SPAG17: variants seen among roughly 807,000 people sequenced by gnomAD.
The protein encoded by SPAG17 is sperm-associated antigen 17.
Under a neutral mutation model 273.6 loss-of-function variants are expected in SPAG17, and 169 were observed. The observed-to-expected ratio is 0.62, with a 90% CI of 0.55 to 0.70. The LOEUF is 0.70. SPAG17 is among the 30% of genes least tolerant of loss of function. The probability of loss-of-function intolerance (pLI) is 0.00; values close to 1 mark genes in which losing one functional copy is unlikely to be tolerated. For synonymous variants in SPAG17, 825 were observed against 873.2 expected (o/e 0.94, Z 0.97); for missense variants, 2,557 against 2,627.8 (o/e 0.97, Z 0.59).
At chr1:118,041,284 C>G (rs1649720784) in intron 21 of SPAG17, among the ~76,000 whole-genome samples, 1 of 152,014 alleles carries the variant, frequency 6.6e-6, no homozygotes, top group African/African-American at 2.4e-5. Flanking sequence ...AACTTGAGAA[C>G]AACTGTTTTA....
intron 1 of SPAG17, 95 bp downstream of exon 1, chr1:118,184,976 A>C (rs1661118736): frequency 9.7e-7 from 1 of 1,033,544 alleles, no homozygotes; most frequent in Non-Finnish European, 1.5e-6. Context: ...AGAGATACGG[A>C]AGAGAGGGCG....
chr1:117,989,742 A>AT (rs1338179209), intron 38 of SPAG17, among the ~76,000 whole-genome samples: 7 of 150,908 alleles, frequency 4.6e-5, no homozygotes, highest in African/African-American at 7.3e-5. Flanking sequence ...CACCTGACTA[A>AT]TTTTTTTTTG....
intron 5 of SPAG17, among the ~76,000 whole-genome samples, chr1:118,100,366 T>C (rs548850891): frequency 6.6e-6 from 1 of 152,336 alleles, no homozygotes; most frequent in African/African-American, 2.4e-5. Context: ...CTTACTTTCC[T>C]AACATTTTTC....
At chr1:117,998,462 G>A (rs1268665868) in intron 32 of SPAG17, among the ~76,000 whole-genome samples, 1 of 152,104 alleles carries the variant, frequency 6.6e-6, no homozygotes, top group Non-Finnish European at 1.5e-5. Flanking sequence ...TTGCAGCCCT[G>A]TAGTACAGCT....
chr1:118,047,677 CAGACT>C (rs1650522253), intron 20 of SPAG17, among the ~76,000 whole-genome samples: 1 of 152,160 alleles, frequency 6.6e-6, no homozygotes, highest in Non-Finnish European at 1.5e-5. Flanking sequence ...TCTCCAGCTC[CAGACT>C]GGCCACTGCT....
intron 3 of SPAG17, among the ~76,000 whole-genome samples, chr1:118,124,423 T>A (rs1362072824): frequency 2.0e-5 from 3 of 152,218 alleles, no homozygotes; most frequent in Non-Finnish European, 4.4e-5. Flanking sequence ...TCCTTTCAGA[T>A]TCATCTTTTG....
chr1:118,170,614 A>G (rs1472979853), intron 1 of SPAG17, among the ~76,000 whole-genome samples: 2 of 152,232 alleles, frequency 1.3e-5, no homozygotes, highest in African/African-American at 2.4e-5. Context: ...ATCATTTAAT[A>G]TTCACAGCAA....
At chr1:117,966,581 AT>A in intron 47 of SPAG17, 27 bp downstream of exon 47, 7 of 1,581,052 alleles carry the variant, frequency 4.4e-6, no homozygotes, top group Non-Finnish European at 6.0e-6. Flanking sequence ...ACTATATATG[AT>A]TACTCAAGTT....
chr1:118,151,485 GGTGACCTTGTAATGTAT>G (rs1659380534), intron 1 of SPAG17, 116 bp from the exon 2 acceptor site: 2 of 1,043,710 alleles, frequency 1.9e-6, no homozygotes, highest in Admixed American at 5.4e-5. Context: ...GAAAGACAGA[GGTGACCTTGTAATGTAT>G]GTGGTTTTCT....
intron 24 of SPAG17, among the ~76,000 whole-genome samples, chr1:118,033,335 C>T (rs1557934799): frequency 6.6e-6 from 1 of 152,164 alleles, no homozygotes; most frequent in South Asian, 2.1e-4. Flanking sequence ...TCAGTTAATG[C>T]CATGAGCAAT....
intron 3 of SPAG17, among the ~76,000 whole-genome samples, chr1:118,147,660 A>C (rs1659096368): frequency 2.0e-5 from 3 of 152,226 alleles, no homozygotes; most frequent in Admixed American, 1.3e-4. Flanking sequence ...TCATATATAC[A>C]ATGCCATGGC....
At position 118,042,082 on chromosome 1, in the gene SPAG17, G is replaced by T. The variant is rs182091325; in HGVS notation, c.2815-40C>A. Reference sequence around the variant, plus strand: ...AAGAAATTTAACAGGATTTTTAAACGAATTAAACATAGGTTCCATTCAGGT... The same window carrying T: ...AAGAAATTTAACAGGATTTTTAAACTAATTAAACATAGGTTCCATTCAGGT... On this transcript the variant is annotated intron_variant, in intron 20 of 48. Transcript: ENST00000336338. 5.7e-6 allele frequency: 9 copies of T among 1,585,882 alleles called. No individual in the cohort carries two copies. In the South Asian group the frequency reaches 9.4e-5, roughly 17 times the overall value.
intron 4 of SPAG17, 41 bp from the exon 5 acceptor site, chr1:118,101,967 A>G: frequency 6.5e-7 from 1 of 1,537,598 alleles, no homozygotes; most frequent in Non-Finnish European, 8.9e-7. Flanking sequence ...TCAAACAGTG[A>G]GCAAGCAATG....
chr1:118,005,611 G>A lies in SPAG17; in HGVS notation c.4588-9C>T, dbSNP rs1167897961. On this transcript the variant is annotated splice_polypyrimidine_tract_variant and intron_variant, in intron 31 of 48. Transcript: ENST00000336338. Reference sequence around the variant, plus strand: ...GTGTTTGGAGGTAACACCTGAAAGAGTAACAGAAAGACAGAAATTATTAAA... The same window carrying A: ...GTGTTTGGAGGTAACACCTGAAAGAATAACAGAAAGACAGAAATTATTAAA... 7.0e-7 allele frequency: 1 copy of A among 1,427,662 alleles called. No homozygotes were observed. The highest frequency in any genetic ancestry group is 9.2e-7 in the Non-Finnish European group (1 of 1,085,082). 88.4% of individuals were successfully genotyped at this position (1,427,662 alleles called of 1,614,324 possible).
At chr1:117,999,310 A>G (rs1390511597) in intron 32 of SPAG17, among the ~76,000 whole-genome samples, 1 of 152,182 alleles carries the variant, frequency 6.6e-6, no homozygotes, top group African/African-American at 2.4e-5. Context: ...GTATCTTTAT[A>G]GTAGCATGAT....
intron 3 of SPAG17, among the ~76,000 whole-genome samples, chr1:118,137,563 G>A (rs901514317): frequency 5.3e-5 from 8 of 152,190 alleles, no homozygotes; most frequent in Admixed American, 2.0e-4. Context: ...CAGTTTTTCT[G>A]AGTAAGAGTT....
chr1:117,976,796 T>C (rs1655190220), intron 43 of SPAG17, among the ~76,000 whole-genome samples: 1 of 152,200 alleles, frequency 6.6e-6, no homozygotes, highest in Admixed American at 6.5e-5. Context: ...CTGGTTGTTT[T>C]AAGCCACTAC....
chr1:118,100,812 A>C (rs1169324866), intron 5 of SPAG17, among the ~76,000 whole-genome samples: 2 of 152,180 alleles, frequency 1.3e-5, no homozygotes, highest in South Asian at 2.1e-4. Flanking sequence ...AGGATGAATC[A>C]TTTTTATATT....
At position 117,970,041 on chromosome 1, in the gene SPAG17, A is replaced by G. The variant is rs775968509; in HGVS notation, c.6387+15T>C. 3 of 1,612,320 alleles carry G rather than the reference A, an allele frequency of 1.9e-6. No homozygotes were observed. Among genetic ancestry groups the G allele is most frequent in the Non-Finnish European group, 2.5e-6 (3 of 1,179,160 alleles). The stretch of plus-strand genomic sequence containing the variant: ...TGCACGCAAGCACACACAACAGATG[A>G]CATATAGGACTTACAGGTCCAGGTT... On this transcript the variant is annotated intron_variant, in intron 46 of 48. Transcript: ENST00000336338.
Sources: gnomAD v4.1 joint callset for allele counts (sites outside exome capture counted in the v4.1 genomes callset) on GRCh38, gnomAD v4.1.1 for gene constraint, MANE v1.5 for transcripts, NCBI Gene and HGNC (gene_info 2026-07-23, HGNC 2026-07-21) for gene names.